Variants in MGMT observed in about 807,000 individuals in gnomAD.
MGMT encodes O-6-methylguanine-DNA methyltransferase.
Under a neutral mutation model 15.9 loss-of-function variants are expected in MGMT, and 14 were observed. That is an observed-to-expected ratio of 0.88 (90% CI 0.58 to 1.37). MGMT has a LOEUF of 1.37. MGMT is among the 40% of genes most tolerant of loss of function. The pLI is 0.00. For missense variants in MGMT, 282 were observed against 268.1 expected, an observed-to-expected ratio of 1.05 and a Z score of -0.36; for synonymous variants, 130 against 118.2, an observed-to-expected ratio of 1.10 and a Z score of -0.65.
At chr10:129,727,160 C>A (rs2133159343) in intron 3 of MGMT, among the ~76,000 whole-genome samples, 1 of 152,292 alleles carries the variant, frequency 6.6e-6, no homozygotes, top group Non-Finnish European at 1.5e-5. Context: ...CACTCTTGTT[C>A]CTTCTCGGAT....
intron 3 of MGMT, among the ~76,000 whole-genome samples, chr10:129,733,549 A>G (rs1276316984): frequency 6.6e-6 from 1 of 150,514 alleles, no homozygotes; most frequent in African/African-American, 2.4e-5. Context: ...GCTGTGCAGA[A>G]GCTCTTTAGT....
At chr10:129,732,592 G>A (rs28436018) in intron 3 of MGMT, among the ~76,000 whole-genome samples, 81,201 of 150,456 alleles carry the variant, frequency 0.54, 22,254 homozygotes, top group Middle Eastern at 0.71. Flanking sequence ...GTTTTAGGGT[G>A]CATGTGCATA....
intron 2 of MGMT, among the ~76,000 whole-genome samples, chr10:129,595,483 C>T (rs1589885081): frequency 6.6e-6 from 1 of 152,278 alleles, no homozygotes; most frequent in Non-Finnish European, 1.5e-5. Flanking sequence ...TGTCTGATCC[C>T]CCGTGCCACA....
chr10:129,521,210 C>A, intron 1 of MGMT, among the ~76,000 whole-genome samples: 1 of 152,280 alleles, frequency 6.6e-6, no homozygotes, highest in South Asian at 2.1e-4. Context: ...GCTCCAAGTG[C>A]CCCTTTTCCC....
At chr10:129,559,977 C>G (rs1371368463) in intron 2 of MGMT, among the ~76,000 whole-genome samples, 1 of 152,156 alleles carries the variant, frequency 6.6e-6, no homozygotes, top group East Asian at 1.9e-4. Context: ...CTGTGCGTCA[C>G]CTTAGCCATC....
At chr10:129,477,632 A>C (rs1482579166) in intron 1 of MGMT, among the ~76,000 whole-genome samples, 1 of 152,178 alleles carries the variant, frequency 6.6e-6, no homozygotes, top group African/African-American at 2.4e-5. Context: ...AGCGAGGAGG[A>C]GGCTGTGTGC....
intron 2 of MGMT, among the ~76,000 whole-genome samples, chr10:129,634,937 A>G (rs1480069609): frequency 6.6e-6 from 1 of 152,192 alleles, no homozygotes; most frequent in Non-Finnish European, 1.5e-5. Context: ...GCATTCTGAT[A>G]GATTTCCTTG....
intron 2 of MGMT, among the ~76,000 whole-genome samples, chr10:129,608,562 A>C (rs1425210956): frequency 6.6e-6 from 1 of 152,258 alleles, no homozygotes; most frequent in East Asian, 1.9e-4. Context: ...TTTTTATCTT[A>C]CGCTTAAAAA....
At chr10:129,641,372 A>G (rs1173490381) in intron 2 of MGMT, among the ~76,000 whole-genome samples, 5 of 152,210 alleles carry the variant, frequency 3.3e-5, no homozygotes, top group Non-Finnish European at 7.3e-5. Context: ...CCCCAAACTG[A>G]TGGATTTAAC....
intron 2 of MGMT, among the ~76,000 whole-genome samples, chr10:129,568,923 A>G (rs1846385775): frequency 6.6e-6 from 1 of 152,224 alleles, no homozygotes. Flanking sequence ...AAAGCATTCT[A>G]TGCAGTTTCT....
intron 1 of MGMT, among the ~76,000 whole-genome samples, chr10:129,474,876 C>T (rs1845273092): frequency 6.6e-6 from 1 of 152,120 alleles, no homozygotes; most frequent in South Asian, 2.1e-4. Flanking sequence ...GGGCCCTGGG[C>T]TCGCAGTGGC....
intron 2 of MGMT, among the ~76,000 whole-genome samples, chr10:129,669,007 A>T (rs182350053): frequency 2.0e-5 from 3 of 152,286 alleles, no homozygotes; most frequent in Admixed American, 2.0e-4. Flanking sequence ...AGGTAGATGA[A>T]TATTTAAATA....
chr10:129,700,649 C>G (rs1279165017), intron 2 of MGMT: 1 of 152,184 alleles, frequency 6.6e-6, no homozygotes, highest in African/African-American at 2.4e-5. Context: ...GAAATTAAGC[C>G]ACTGCATTTG....
intron 2 of MGMT, among the ~76,000 whole-genome samples, chr10:129,622,749 A>G (rs1196203085): frequency 2.0e-5 from 3 of 152,172 alleles, no homozygotes; most frequent in Admixed American, 6.5e-5. Context: ...TAAGAATATG[A>G]TATTGTGAAT....
intron 2 of MGMT, among the ~76,000 whole-genome samples, chr10:129,588,044 AG>A (rs1256181446): frequency 2.0e-5 from 3 of 152,162 alleles, no homozygotes; most frequent in Non-Finnish European, 4.4e-5. Context: ...AAGATTCACT[AG>A]TTGCAACTAC....
chr10:129,707,232 G>A (rs1011648592), intron 2 of MGMT, among the ~76,000 whole-genome samples: 11 of 151,914 alleles, frequency 7.2e-5, no homozygotes, highest in Non-Finnish European at 1.5e-4. Flanking sequence ...AGCCAAGATC[G>A]AGCCATTGTA....
At chr10:129,518,547 C>CCCCTCCTCCCTCCCTTCCCCCTG (rs1845768827) in intron 1 of MGMT, among the ~76,000 whole-genome samples, 1 of 60,098 alleles carries the variant, frequency 1.7e-5, no homozygotes, top group African/African-American at 7.2e-5. Context: ...CCTTCCCCCT[C>CCCCTCCTCCCTCCCTTCCCCCTG]CCCCTCCTCC....
chr10:129,729,454 G>A (rs1001942875), intron 3 of MGMT, among the ~76,000 whole-genome samples: 6 of 152,150 alleles, frequency 3.9e-5, no homozygotes, highest in Non-Finnish European at 5.9e-5. Flanking sequence ...CCTCACCTGC[G>A]TGCCTCTCGT....
At chr10:129,478,738 G>T (rs1459429873) in intron 1 of MGMT, among the ~76,000 whole-genome samples, 1 of 152,250 alleles carries the variant, frequency 6.6e-6, no homozygotes, top group Non-Finnish European at 1.5e-5. Context: ...GCTTTGGGGG[G>T]CCCAGCTGTG....
Sources: allele counts gnomAD v4.1 joint callset (sites outside exome capture counted in the v4.1 genomes callset), GRCh38; gene constraint gnomAD v4.1.1; transcripts MANE v1.5; gene names NCBI Gene and HGNC (gene_info 2026-07-23, HGNC 2026-07-21).